TANGO6: variants seen among roughly 807,000 people sequenced by gnomAD.
TANGO6 encodes the protein transport and golgi organization 6 homolog, also known as transport and Golgi organization protein 6 homolog.
Under a neutral mutation model 114.2 loss-of-function variants are expected in TANGO6, and 90 were observed. The observed-to-expected ratio is 0.79, with a 90% CI of 0.66 to 0.94. The LOEUF (loss-of-function observed/expected upper bound fraction) is 0.94, where lower values mean the gene tolerates loss of function less well. Ranked by LOEUF, TANGO6 falls within the 40% of genes least tolerant of loss-of-function variation. TANGO6 has a pLI of 0.00. For synonymous variants in TANGO6, 477 were observed against 509.8 expected, an observed-to-expected ratio of 0.94 and a Z score of 0.87; for missense variants, 1,274 against 1,315.3, an observed-to-expected ratio of 0.97 and a Z score of 0.49.
At chr16:68,895,420 A>G (rs1410219457) in intron 7 of TANGO6, among the ~76,000 whole-genome samples, 1 of 152,232 alleles carries the variant, frequency 6.6e-6, no homozygotes, top group African/African-American at 2.4e-5. Context: ...GTACTACTGT[A>G]TTCACTGCCT....
Position 68,900,423 on chromosome 16 carries a change from C to CT in TANGO6, c.1378-5dup. The CT allele has an allele frequency of 1.2e-6, 2 of 1,612,420 alleles. No individual in the cohort carries two copies. The highest frequency in any genetic ancestry group is 1.7e-6 in the Non-Finnish European group (2 of 1,178,788). ...TCATGGGATTATTCTTCACCATTTC[C>CT]TTTTTTCTAGGTGTACGTGGTTGGG... On this transcript the variant is annotated splice_polypyrimidine_tract_variant and intron_variant, in intron 7 of 17. Coordinates refer to ENST00000261778, the MANE Select transcript of TANGO6 (RefSeq NM_024562.2).
Position 69,083,930 on chromosome 16 carries a change from A to C in TANGO6, c.*269A>C. 1 of 295,472 alleles carries C rather than the reference A, an allele frequency of 3.4e-6. No homozygotes were observed. The highest frequency in any genetic ancestry group is 6.3e-5 in the East Asian group (1 of 15,776). The allele number at this position is 295,472 out of a possible 1,614,324, so 18.3% of individuals were successfully genotyped here. ...CATTTTTCACTGTCCTCTAGCATTG[A>C]AAGAAGGATGTCTACCTGGTGAAAG... On this transcript the variant is annotated 3_prime_UTR_variant, in exon 18 of 18. Coordinates refer to ENST00000261778, the MANE Select transcript of TANGO6 (RefSeq NM_024562.2).
chr16:69,022,734 C>T, intron 15 of TANGO6, 94 bp from the exon 16 acceptor site: 1 of 1,326,394 alleles, frequency 7.5e-7, no homozygotes, highest in Non-Finnish European at 1.0e-6. Context: ...AAGAATAAGA[C>T]ATCATGCAGT....
intron 1 of TANGO6, among the ~76,000 whole-genome samples, chr16:68,851,736 T>C (rs1304291147): frequency 6.6e-6 from 1 of 152,234 alleles, no homozygotes; most frequent in Non-Finnish European, 1.5e-5. Flanking sequence ...TTGCTAGATA[T>C]TGCCAAATTT....
At chr16:69,070,389 T>C (rs1960281010) in intron 17 of TANGO6, among the ~76,000 whole-genome samples, 1 of 151,940 alleles carries the variant, frequency 6.6e-6, no homozygotes, top group Non-Finnish European at 1.5e-5. Context: ...TCCCAGCACT[T>C]TGGGAGGCCG....
At chr16:69,033,597 A>C (rs186845214) in intron 16 of TANGO6, 24 of 152,302 alleles carry the variant, frequency 1.6e-4, no homozygotes, top group African/African-American at 5.1e-4. Flanking sequence ...GGAAGAGAAG[A>C]AGCATAATCT....
intron 17 of TANGO6, among the ~76,000 whole-genome samples, chr16:69,041,223 G>T (rs985855890): frequency 2.6e-5 from 4 of 152,028 alleles, no homozygotes; most frequent in African/African-American, 9.7e-5. Flanking sequence ...GAGGCAGGCG[G>T]ATCACCTGAG....
At chr16:68,893,291 ACAGAGAAGTC>A (rs1962653741) in intron 7 of TANGO6, among the ~76,000 whole-genome samples, 1 of 152,250 alleles carries the variant, frequency 6.6e-6, no homozygotes, top group South Asian at 2.1e-4. Context: ...AGATAAGGAA[ACAGAGAAGTC>A]CACTGATTTG....
intron 14 of TANGO6, among the ~76,000 whole-genome samples, chr16:68,932,371 G>A (rs1009187768): frequency 6.6e-6 from 1 of 152,128 alleles, no homozygotes; most frequent in African/African-American, 2.4e-5. Flanking sequence ...GATGATAGGC[G>A]TGAGCCACCG....
intron 12 of TANGO6, among the ~76,000 whole-genome samples, chr16:68,922,500 C>CA (rs1261480453): frequency 1.3e-5 from 2 of 151,810 alleles, no homozygotes; most frequent in African/African-American, 4.8e-5. Flanking sequence ...CATGCCACTG[C>CA]ACTCCAGCCT....
intron 7 of TANGO6, among the ~76,000 whole-genome samples, chr16:68,882,533 T>A (rs1488007129): frequency 6.6e-6 from 1 of 151,560 alleles, no homozygotes; most frequent in African/African-American, 2.4e-5. Flanking sequence ...TAGAAAAACC[T>A]GTATGTGAAT....
At chr16:68,893,693 G>T (rs1422939522) in intron 7 of TANGO6, among the ~76,000 whole-genome samples, 2 of 134,420 alleles carry the variant, frequency 1.5e-5, no homozygotes, top group South Asian at 4.4e-4. Flanking sequence ...CCAAGATCAC[G>T]CCACTGCATT....
rs568060382 is a variant in TANGO6 at position 68,991,711 on chromosome 16, G to A, written c.2842+17543G>A. On this transcript the variant is annotated intron_variant, in intron 15 of 17. Coordinates refer to ENST00000261778, the MANE Select transcript of TANGO6 (RefSeq NM_024562.2). Reference sequence around the variant, plus strand: ...CATGCATCTGTAATCCCAGCTACTCGGGAGGCTGAGGCAGAAGAATCACTT... The same window carrying A: ...CATGCATCTGTAATCCCAGCTACTCAGGAGGCTGAGGCAGAAGAATCACTT... 4.6e-5 allele frequency among the ~76,000 whole-genome samples: 7 copies of A among 152,128 alleles called. No homozygotes were observed. The South Asian group carries it at 1.0e-3, about 23-fold the overall frequency.
Position 68,867,207 on chromosome 16 carries a change from G to A in TANGO6, c.981G>A (p.Leu327=). ...NGVQAVVRGI[L]EGAGAGAAGG... ...TTCAGGCAGTAGTCCGGGGCATTTT[G>A]GAAGGAGCAGGTGGTAAGAAATAAA... Residue 327 remains leucine, a synonymous_variant, in exon 4 of 18, where the codon TTG becomes TTA. Coordinates refer to ENST00000261778, the MANE Select transcript of TANGO6 (RefSeq NM_024562.2). The A allele has an allele frequency of 2.5e-6, 4 of 1,613,830 alleles. No homozygotes were observed. Among genetic ancestry groups the A allele is most frequent in the Non-Finnish European group, 3.4e-6 (4 of 1,179,844 alleles).
chr16:69,007,304 C>G (rs1446077551), intron 15 of TANGO6: 2 of 131,156 alleles, frequency 1.5e-5, no homozygotes, highest in African/African-American at 6.0e-5. Context: ...GAGTTTCGCT[C>G]TGTCACCCAG....
intron 14 of TANGO6, among the ~76,000 whole-genome samples, chr16:68,962,863 C>T (rs1399820159): frequency 2.0e-5 from 3 of 150,720 alleles, no homozygotes; most frequent in Non-Finnish European, 3.0e-5. Context: ...GGGTGGATCA[C>T]GAGGTCAGGA....
At chr16:68,878,060 A>G in intron 5 of TANGO6, 58 bp from the exon 6 acceptor site, 1 of 1,414,104 alleles carries the variant, frequency 7.1e-7, no homozygotes, top group Non-Finnish European at 9.5e-7. Context: ...TTTTGTTTTT[A>G]GTTACTGTCA....
chr16:68,893,062 G>A (rs1962648750), intron 7 of TANGO6, among the ~76,000 whole-genome samples: 3 of 152,188 alleles, frequency 2.0e-5, no homozygotes, highest in Admixed American at 6.6e-5. Context: ...AGCATATGAG[G>A]AAGAGTTAGA....
chr16:69,047,968 A>G (rs9935933), intron 17 of TANGO6, among the ~76,000 whole-genome samples: 16,996 of 152,216 alleles, frequency 0.11, 1,038 homozygotes, highest in South Asian at 0.18. Flanking sequence ...GGAGATCAGT[A>G]TTCAGCTTTA....
Sources: gnomAD v4.1 joint callset for allele counts (sites outside exome capture counted in the v4.1 genomes callset) on GRCh38, gnomAD v4.1.1 for gene constraint, MANE v1.5 for transcripts, NCBI Gene and HGNC (gene_info 2026-07-23, HGNC 2026-07-21) for gene names.